CNTNAP5: variants seen among roughly 807,000 people sequenced by gnomAD.
CNTNAP5 encodes the protein contactin associated protein family member 5.
Under a neutral mutation model 150.2 loss-of-function variants are expected in CNTNAP5, and 72 were observed. The observed-to-expected ratio is 0.48, with a 90% CI of 0.40 to 0.58. CNTNAP5 has a LOEUF of 0.58. Among genes scored for constraint, CNTNAP5 ranks in the 20% least tolerant of loss-of-function variants. The pLI is 0.00. For missense variants in CNTNAP5, 1,636 were observed against 1,626.2 expected, an observed-to-expected ratio of 1.01 and a Z score of -0.10; for synonymous variants, 672 against 619.8, an observed-to-expected ratio of 1.08 and a Z score of -1.25.
chr2:124,754,294 T>G (rs1680791470), intron 14 of CNTNAP5, among the ~76,000 whole-genome samples: 1 of 152,202 alleles, frequency 6.6e-6, no homozygotes, highest in Admixed American at 6.5e-5. Flanking sequence ...TCTCTATTGG[T>G]TGAATTTTAT....
At chr2:124,713,227 C>CTTTCTTTCTTTCTT (rs1558746513) in intron 13 of CNTNAP5, among the ~76,000 whole-genome samples, 2 of 35,266 alleles carry the variant, frequency 5.7e-5, no homozygotes, top group African/African-American at 9.6e-5. Flanking sequence ...CTGTTTCTTT[C>CTTTCTTTCTTTCTT]TTTCTTTCTT....
chr2:124,478,173 A>C (rs1282905464), intron 7 of CNTNAP5, among the ~76,000 whole-genome samples: 1 of 152,184 alleles, frequency 6.6e-6, no homozygotes, highest in African/African-American at 2.4e-5. Context: ...GTTTCTGAAT[A>C]TCAGTAGCTT....
rs932903324 is a variant in CNTNAP5 at position 124,869,663 on chromosome 2, G to A, written c.3349-12G>A. ...CTCTGCTGATGTGCCTTTGTTTTCT[G>A]TTTTCCTGCAGATGGACCAGCAACT... On this transcript the variant is annotated splice_polypyrimidine_tract_variant and intron_variant, in intron 20 of 23. Transcript: ENST00000682447. The A allele has an allele frequency of 5.6e-6, 9 of 1,597,136 alleles. No individual in the cohort carries two copies. In the Admixed American group the frequency reaches 8.4e-5, roughly 15 times the overall value.
chr2:124,730,664 A>G (rs1433448972), intron 13 of CNTNAP5, among the ~76,000 whole-genome samples: 2 of 152,116 alleles, frequency 1.3e-5, no homozygotes, highest in Admixed American at 6.6e-5. Context: ...GACACAAAGT[A>G]TATTTTTAAA....
chr2:124,762,035 A>C (rs1002978675), intron 14 of CNTNAP5, among the ~76,000 whole-genome samples: 5 of 152,034 alleles, frequency 3.3e-5, no homozygotes, highest in African/African-American at 1.2e-4. Context: ...TCAGGAGAGG[A>C]TATGGGTTTG....
intron 3 of CNTNAP5, among the ~76,000 whole-genome samples, chr2:124,247,651 A>G (rs1276441012): frequency 6.6e-6 from 1 of 152,174 alleles, no homozygotes; most frequent in African/African-American, 2.4e-5. Flanking sequence ...GAAATGCTAT[A>G]AGCAAAATCT....
intron 14 of CNTNAP5, among the ~76,000 whole-genome samples, chr2:124,752,557 AC>A (rs1680750520): frequency 6.6e-6 from 1 of 152,082 alleles, no homozygotes; most frequent in Non-Finnish European, 1.5e-5. Context: ...AGCTTTAACT[AC>A]CCGTCGGAAT....
At chr2:124,285,860 C>G (rs80324880) in intron 3 of CNTNAP5, among the ~76,000 whole-genome samples, 32 of 151,840 alleles carry the variant, frequency 2.1e-4, no homozygotes, top group African/African-American at 7.5e-4. Context: ...GAGAGAAAAC[C>G]CTGGGTATGT....
At chr2:124,061,654 A>G (rs917602428) in intron 1 of CNTNAP5, among the ~76,000 whole-genome samples, 1 of 152,224 alleles carries the variant, frequency 6.6e-6, no homozygotes, top group Non-Finnish European at 1.5e-5. Flanking sequence ...TAAGACACAC[A>G]CACACATCAT....
chr2:124,766,787 T>TA (rs1681078236), intron 16 of CNTNAP5, among the ~76,000 whole-genome samples: 2 of 152,210 alleles, frequency 1.3e-5, no homozygotes, highest in Admixed American at 1.3e-4. Flanking sequence ...GATTTAGTGT[T>TA]AATTACGTAT....
intron 17 of CNTNAP5, among the ~76,000 whole-genome samples, chr2:124,786,513 AAGAAAGAAAG>A (rs1681598193): frequency 1.3e-5 from 2 of 150,144 alleles, no homozygotes; most frequent in Non-Finnish European, 3.0e-5. Context: ...AAGAAAAAGA[AAGAAAGAAAG>A]AGAAAGAAAG....
chr2:124,475,716 T>C (rs549370400), intron 7 of CNTNAP5, among the ~76,000 whole-genome samples: 1 of 152,244 alleles, frequency 6.6e-6, no homozygotes, highest in East Asian at 1.9e-4. Flanking sequence ...TTGCTTTTCC[T>C]CTATAAAGGT....
intron 1 of CNTNAP5, among the ~76,000 whole-genome samples, chr2:124,071,389 CA>C (rs1265464213): frequency 6.6e-6 from 1 of 151,278 alleles, no homozygotes; most frequent in Admixed American, 6.6e-5. Flanking sequence ...GAAAACAATG[CA>C]AAAAATTAAC....
chr2:124,387,449 A>T (rs1335081148), intron 3 of CNTNAP5, among the ~76,000 whole-genome samples: 1 of 152,240 alleles, frequency 6.6e-6, no homozygotes, highest in African/African-American at 2.4e-5. Flanking sequence ...GGTGGGCTGA[A>T]TCCGAAAAGA....
chr2:124,706,781 A>G (rs1481302822), intron 13 of CNTNAP5, among the ~76,000 whole-genome samples: 1 of 37,880 alleles, frequency 2.6e-5, no homozygotes, highest in Non-Finnish European at 5.3e-5. Flanking sequence ...AAGAAGAAGA[A>G]GAAGAAGAAG....
chr2:124,554,619 C>T (rs1695709937), intron 10 of CNTNAP5, among the ~76,000 whole-genome samples: 1 of 151,830 alleles, frequency 6.6e-6, no homozygotes, highest in African/African-American at 2.4e-5. Context: ...ACAGGGTTTC[C>T]ATGTGTTGTC....
At position 124,571,527 on chromosome 2, in the gene CNTNAP5, C is replaced by CTTTTTCTTTTTCTCTTTTTTTTCTTTT; in HGVS notation, c.1756+8209_1756+8210insCTTTTTCTCTTTTTTTTCTTTTTTTTT. 6.4e-5 allele frequency among the ~76,000 whole-genome samples: 3 copies of CTTTTTCTTTTTCTCTTTTTTTTCTTTT among 46,842 alleles called. 1 individual carries two copies. Among genetic ancestry groups the CTTTTTCTTTTTCTCTTTTTTTTCTTTT allele is most frequent in the African/African-American group, 3.1e-4 (3 of 9,758 alleles). 30.7% of individuals were successfully genotyped at this position (46,842 alleles called of 152,430 possible). A position where few individuals can be genotyped will look rare whatever the true frequency, so the allele number is the denominator to read the frequency against. ...CACTGAGTACTTTTTTTTCTTTTTTCTTTTTTTTTTTTTTTTTTTTTGAGA... is the reference window on the plus strand; with the variant it reads ...CACTGAGTACTTTTTTTTCTTTTTTCTTTTTCTTTTTCTCTTTTTTTTCTTTTTTTTTTTTTTTTTTTTTTTTTGAGA... On this transcript the variant is annotated intron_variant, in intron 11 of 23. Transcript: ENST00000682447.
intron 1 of CNTNAP5, among the ~76,000 whole-genome samples, chr2:124,036,438 G>T (rs1158439053): frequency 2.6e-5 from 4 of 152,004 alleles, no homozygotes; most frequent in African/African-American, 9.7e-5. Context: ...ACGGTCACCT[G>T]GGACTATGCT....
At chr2:124,633,489 G>T (rs1677907200) in intron 12 of CNTNAP5, among the ~76,000 whole-genome samples, 1 of 152,216 alleles carries the variant, frequency 6.6e-6, no homozygotes. Flanking sequence ...TAGCTCCCAA[G>T]GCTTTGGGAA....
Sources: allele counts gnomAD v4.1 joint callset (sites outside exome capture counted in the v4.1 genomes callset), GRCh38; gene constraint gnomAD v4.1.1; transcripts MANE v1.5; gene names NCBI Gene and HGNC (gene_info 2026-07-23, HGNC 2026-07-21).